The following DCC variants were observed in gnomAD, a reference collection of about 807,000 sequenced individuals.
DCC encodes netrin receptor DCC.
Under a neutral mutation model 172.5 loss-of-function variants are expected in DCC, and 58 were observed. The observed-to-expected ratio is 0.34, with a 90% CI of 0.27 to 0.42. DCC has a LOEUF of 0.42. DCC is among the 10% of genes least tolerant of loss of function. DCC has a pLI of 1.00. For missense variants in DCC, 1,740 were observed against 1,791.0 expected, an observed-to-expected ratio of 0.97 and a Z score of 0.51; for synonymous variants, 709 against 644.5, an observed-to-expected ratio of 1.10 and a Z score of -1.52.
intron 5 of DCC, among the ~76,000 whole-genome samples, chr18:52,961,345 G>A (rs776093902): frequency 1.3e-4 from 20 of 152,094 alleles, no homozygotes; most frequent in Non-Finnish European, 2.9e-4. Flanking sequence ...AAGACACAAT[G>A]ATAGCACTGA....
chr18:52,499,825 C>T (rs2030949594), intron 1 of DCC, among the ~76,000 whole-genome samples: 1 of 152,080 alleles, frequency 6.6e-6, no homozygotes, highest in Non-Finnish European at 1.5e-5. Flanking sequence ...ACTAGTGACT[C>T]ATGGTGCAAA....
chr18:53,138,007 T>G (rs1021072306), intron 7 of DCC, among the ~76,000 whole-genome samples: 50 of 151,870 alleles, frequency 3.3e-4, no homozygotes, highest in African/African-American at 1.2e-3. Context: ...AATTTTTGTT[T>G]TGTAGAGACA....
At chr18:52,971,055 T>C (rs1204456376) in intron 5 of DCC, among the ~76,000 whole-genome samples, 1 of 152,176 alleles carries the variant, frequency 6.6e-6, no homozygotes, top group Non-Finnish European at 1.5e-5. Context: ...CCACTTTCTA[T>C]AGTATGTAAA....
chr18:52,455,704 A>G (rs1408872926), intron 1 of DCC, among the ~76,000 whole-genome samples: 1 of 152,216 alleles, frequency 6.6e-6, no homozygotes, highest in Non-Finnish European at 1.5e-5. Flanking sequence ...TCTATGTGCC[A>G]GTGTTTCCTC....
intron 1 of DCC, among the ~76,000 whole-genome samples, chr18:52,616,793 G>T (rs2144851651): frequency 6.6e-6 from 1 of 152,248 alleles, no homozygotes; most frequent in South Asian, 2.1e-4. Flanking sequence ...AGTTTGAGAA[G>T]TTAACAATAG....
intron 5 of DCC, among the ~76,000 whole-genome samples, chr18:53,004,555 C>A (rs2041616387): frequency 6.6e-6 from 1 of 152,154 alleles, no homozygotes; most frequent in South Asian, 2.1e-4. Context: ...TATACAGAAT[C>A]AGAGACCCCA....
chr18:53,358,729 C>A (rs1488437089), intron 15 of DCC, among the ~76,000 whole-genome samples: 1 of 151,814 alleles, frequency 6.6e-6, no homozygotes, highest in Non-Finnish European at 1.5e-5. Context: ...ACCATGTTGG[C>A]CAGGCTGGTC....
intron 1 of DCC, among the ~76,000 whole-genome samples, chr18:52,718,345 C>G (rs1004598803): frequency 4.6e-5 from 7 of 152,170 alleles, no homozygotes; most frequent in African/African-American, 1.7e-4. Flanking sequence ...AAAATTATGT[C>G]AGTGAATAGT....
intron 2 of DCC, among the ~76,000 whole-genome samples, chr18:52,831,605 A>T (rs182458939): frequency 6.6e-6 from 1 of 152,028 alleles, no homozygotes; most frequent in Non-Finnish European, 1.5e-5. Context: ...AGACAAAGAG[A>T]ACTATTATGA....
In DCC at chr18:52,838,587, GTAA is replaced by G. The variant is rs144361263; in HGVS notation, c.413-67450_413-67448del. On this transcript the variant is annotated intron_variant, in intron 2 of 28. Transcript: ENST00000442544. The stretch of plus-strand genomic sequence containing the variant: ...TTCTATCCTCATTTTAAATCATCAA[GTAA>G]TAATAAGTATTAAACAATAATAAGT... Among the ~76,000 whole-genome samples, 338 of 152,146 alleles carry G rather than the reference GTAA, an allele frequency of 2.2e-3. 2 individuals carry two copies. The highest frequency in any genetic ancestry group is 7.7e-3 in the African/African-American group (318 of 41,486).
At chr18:53,316,057 G>A (rs2057340408) in intron 13 of DCC, among the ~76,000 whole-genome samples, 1 of 150,908 alleles carries the variant, frequency 6.6e-6, no homozygotes, top group South Asian at 2.1e-4. Flanking sequence ...CTATGTCCTA[G>A]GTTTTCTTCT....
At chr18:52,484,088 T>C (rs896755454) in intron 1 of DCC, among the ~76,000 whole-genome samples, 1 of 152,152 alleles carries the variant, frequency 6.6e-6, no homozygotes, top group African/African-American at 2.4e-5. Flanking sequence ...TTCCCCACCT[T>C]AAACTTATGT....
At chr18:52,899,516 T>C (rs2039780270) in intron 2 of DCC, among the ~76,000 whole-genome samples, 1 of 151,762 alleles carries the variant, frequency 6.6e-6, no homozygotes, top group Admixed American at 6.6e-5. Flanking sequence ...ACCACGCCCA[T>C]CTAATTTTTT....
intron 5 of DCC, among the ~76,000 whole-genome samples, chr18:53,059,125 A>G (rs571478069): frequency 2.0e-5 from 3 of 152,172 alleles, no homozygotes; most frequent in Non-Finnish European, 4.4e-5. Context: ...GCCTCTTATA[A>G]AACCATCAGA....
chr18:53,446,283 T>A (rs1912607755), intron 22 of DCC, among the ~76,000 whole-genome samples: 1 of 151,834 alleles, frequency 6.6e-6, no homozygotes, highest in Non-Finnish European at 1.5e-5. Flanking sequence ...GAGACCCTGT[T>A]TCTAAAAAAG....
intron 1 of DCC, among the ~76,000 whole-genome samples, chr18:52,468,866 C>T (rs1343238006): frequency 6.6e-6 from 1 of 151,944 alleles, no homozygotes; most frequent in African/African-American, 2.4e-5. Context: ...GTGTTCTTGT[C>T]TAACTGCTCC....
intron 7 of DCC, among the ~76,000 whole-genome samples, chr18:53,111,269 G>T (rs2043327003): frequency 9.8e-6 from 1 of 102,444 alleles, no homozygotes; most frequent in African/African-American, 3.7e-5. Flanking sequence ...GGAGGGGGGA[G>T]GGATAGCATT....
At chr18:53,204,995 A>G (rs528418018) in intron 9 of DCC, among the ~76,000 whole-genome samples, 11 of 152,298 alleles carry the variant, frequency 7.2e-5, no homozygotes, top group African/African-American at 2.6e-4. Flanking sequence ...GTAAAATAAA[A>G]TAGGCAATTT....
intron 17 of DCC, among the ~76,000 whole-genome samples, chr18:53,393,409 T>C (rs575915372): frequency 7.9e-5 from 12 of 152,232 alleles, no homozygotes; most frequent in Non-Finnish European, 1.6e-4. Flanking sequence ...ATCATTGTTA[T>C]AAGGTATGTG....
Sources: gnomAD v4.1 joint callset for allele counts (sites outside exome capture counted in the v4.1 genomes callset) on GRCh38, gnomAD v4.1.1 for gene constraint, MANE v1.5 for transcripts, NCBI Gene and HGNC (gene_info 2026-07-23, HGNC 2026-07-21) for gene names.